CDH18: variants seen among roughly 807,000 people sequenced by gnomAD.
The protein encoded by CDH18 is cadherin 18.
Under a neutral mutation model 67.9 loss-of-function variants are expected in CDH18, and 31 were observed. That is an observed-to-expected ratio of 0.46 (90% CI 0.34 to 0.62). CDH18 has a LOEUF of 0.62. Ranked by LOEUF, CDH18 falls within the 20% of genes least tolerant of loss-of-function variation. The pLI, the probability that CDH18 is intolerant of heterozygous loss-of-function variation, is 0.01. For synonymous variants in CDH18, 362 were observed against 347.2 expected (o/e 1.04, Z -0.48); for missense variants, 890 against 975.5 (o/e 0.91, Z 1.17).
At chr5:20,422,145 T>A (rs921350082) in intron 1 of CDH18, among the ~76,000 whole-genome samples, 5 of 150,930 alleles carry the variant, frequency 3.3e-5, no homozygotes, top group African/African-American at 1.2e-4. Context: ...GACAAAAAAA[T>A]TTTGTTTTTC....
intron 5 of CDH18, among the ~76,000 whole-genome samples, chr5:19,649,403 GCT>G (rs1755248568): frequency 6.6e-6 from 1 of 151,934 alleles, no homozygotes; most frequent in African/African-American, 2.4e-5. Flanking sequence ...TCAATATTTG[GCT>G]TCATGTGGGT....
chr5:20,423,459 T>C (rs1222774457), intron 1 of CDH18, among the ~76,000 whole-genome samples: 1 of 150,602 alleles, frequency 6.6e-6, no homozygotes, highest in Non-Finnish European at 1.5e-5. Context: ...TGTCAGAGAG[T>C]TGTGGAAAAA....
intron 2 of CDH18, among the ~76,000 whole-genome samples, chr5:19,971,856 AAAAGAG>A (rs35547707): frequency 0.15 from 18,637 of 124,526 alleles, 3,301 homozygotes; most frequent in African/African-American, 0.4. Context: ...GTTAAAAAAA[AAAAGAG>A]AGAGAGAGAG....
At chr5:20,493,732 T>A (rs1485051962) in intron 1 of CDH18, among the ~76,000 whole-genome samples, 1 of 152,070 alleles carries the variant, frequency 6.6e-6, no homozygotes, top group Admixed American at 6.6e-5. Flanking sequence ...GATCAGGCAG[T>A]CATTGATCAA....
At chr5:20,133,054 A>G (rs1749405648) in intron 2 of CDH18, among the ~76,000 whole-genome samples, 1 of 151,950 alleles carries the variant, frequency 6.6e-6, no homozygotes, top group Non-Finnish European at 1.5e-5. Context: ...TTCTTATATT[A>G]TTTTCCTTCT....
At chr5:19,546,112 T>C (rs1223179425) in intron 8 of CDH18, among the ~76,000 whole-genome samples, 1 of 152,076 alleles carries the variant, frequency 6.6e-6, no homozygotes, top group African/African-American at 2.4e-5. Context: ...AGGAGGTTGA[T>C]TGAGGTTAGT....
chr5:19,483,779 G>C (rs1403181041), intron 11 of CDH18, among the ~76,000 whole-genome samples: 1 of 152,174 alleles, frequency 6.6e-6, no homozygotes, highest in South Asian at 2.1e-4. Flanking sequence ...AAAGAAAATA[G>C]TGGGAAGACA....
intron 2 of CDH18, among the ~76,000 whole-genome samples, chr5:20,250,584 C>T (rs1392051486): frequency 7.4e-6 from 1 of 134,854 alleles, no homozygotes; most frequent in African/African-American, 2.8e-5. Flanking sequence ...AGCCACGGCC[C>T]ATGGCTTTTT....
chr5:19,663,779 C>T (rs1027630179), intron 5 of CDH18, among the ~76,000 whole-genome samples: 2 of 151,676 alleles, frequency 1.3e-5, no homozygotes, highest in African/African-American at 4.8e-5. Context: ...AATATTCACA[C>T]GCAATATTTT....
In CDH18 at chr5:20,320,458, C is replaced by G. The variant is rs570894763; in HGVS notation, c.-579-64953G>C. 2.0e-5 allele frequency among the ~76,000 whole-genome samples: 3 copies of G among 152,274 alleles called. No individual in the cohort carries two copies. In the East Asian group the frequency reaches 5.8e-4, roughly 29 times the overall value. On this transcript the variant is annotated intron_variant, in intron 1 of 14. Coordinates refer to the CDH18 transcript ENST00000507958. ...ATCCTGAAGTGTGAAACCTGAAACTCTTTCCCTAACTCAACCTAATTTTTT... is the reference window on the plus strand; with the variant it reads ...ATCCTGAAGTGTGAAACCTGAAACTGTTTCCCTAACTCAACCTAATTTTTT...
chr5:20,168,262 A>G (rs1461239469), intron 2 of CDH18, among the ~76,000 whole-genome samples: 1 of 152,176 alleles, frequency 6.6e-6, no homozygotes, highest in Non-Finnish European at 1.5e-5. Context: ...TTGTACATAT[A>G]TAAAATTATT....
intron 1 of CDH18, among the ~76,000 whole-genome samples, chr5:20,406,049 G>T (rs1248993600): frequency 6.6e-6 from 1 of 152,142 alleles, no homozygotes; most frequent in Admixed American, 6.5e-5. Flanking sequence ...TCTAGAACTA[G>T]AAACATCATT....
chr5:19,630,339 T>C (rs1752246145), intron 5 of CDH18, among the ~76,000 whole-genome samples: 2 of 152,226 alleles, frequency 1.3e-5, no homozygotes, highest in African/African-American at 4.8e-5. Flanking sequence ...AATGTGGCCC[T>C]TCCTTTGTTA....
chr5:19,753,315 C>T (rs1475816399), intron 3 of CDH18, among the ~76,000 whole-genome samples: 1 of 152,088 alleles, frequency 6.6e-6, no homozygotes, highest in Non-Finnish European at 1.5e-5. Context: ...GAGAAATAGT[C>T]AATGAAATAG....
chr5:20,015,873 T>A (rs984757556), intron 2 of CDH18, among the ~76,000 whole-genome samples: 1 of 152,100 alleles, frequency 6.6e-6, no homozygotes, highest in Non-Finnish European at 1.5e-5. Flanking sequence ...TAAGACTGGA[T>A]GAAATTTTAG....
intron 9 of CDH18, among the ~76,000 whole-genome samples, chr5:19,539,642 A>T (rs1264848398): frequency 7.1e-6 from 1 of 140,954 alleles, no homozygotes; most frequent in Non-Finnish European, 1.5e-5. Flanking sequence ...GAGGCCTCAC[A>T]GTCATGGCAG....
At position 19,721,479 on chromosome 5, in the gene CDH18, G is replaced by A. The variant is rs766604285; in HGVS notation, c.524-13C>T. ...AGAACAGAGGTACCTGTGCATTCAG[G>A]AAAACAAATTTTAGTGTGTGATGGC... On this transcript the variant is annotated splice_polypyrimidine_tract_variant and intron_variant, in intron 4 of 12. Coordinates refer to ENST00000382275, the MANE Select transcript of CDH18 (RefSeq NM_004934.5). The A allele has an allele frequency of 3.7e-6, 6 of 1,600,554 alleles. No individual in the cohort carries two copies. The highest frequency in any genetic ancestry group is 4.3e-6 in the Non-Finnish European group (5 of 1,172,602).
At chr5:20,296,230 G>T (rs1238891750) in intron 1 of CDH18, among the ~76,000 whole-genome samples, 20 of 145,522 alleles carry the variant, frequency 1.4e-4, no homozygotes, top group African/African-American at 4.8e-4. Context: ...TTCCACTAAG[G>T]TTTTTTTTTG....
chr5:20,342,033 C>A (rs1740307179), intron 1 of CDH18, among the ~76,000 whole-genome samples: 1 of 152,158 alleles, frequency 6.6e-6, no homozygotes, highest in African/African-American at 2.4e-5. Flanking sequence ...CTGAGCCTCA[C>A]ATCTGCTAAG....
Sources: gnomAD v4.1 joint callset for allele counts (sites outside exome capture counted in the v4.1 genomes callset) on GRCh38, gnomAD v4.1.1 for gene constraint, MANE v1.5 for transcripts, NCBI Gene and HGNC (gene_info 2026-07-23, HGNC 2026-07-21) for gene names.